The following IGBP1 variants were observed in gnomAD, a reference collection of about 807,000 sequenced individuals.
IGBP1 encodes the protein immunoglobulin-binding protein 1.
Under a neutral mutation model 25.9 loss-of-function variants are expected in IGBP1, and 2 were observed. That is an observed-to-expected ratio of 0.08 (90% CI 0.03 to 0.24). The LOEUF (loss-of-function observed/expected upper bound fraction) is 0.24. Ranked by LOEUF, IGBP1 falls within the 10% of genes least tolerant of loss-of-function variation. IGBP1 has a pLI of 1.00. For synonymous variants in IGBP1, 96 were observed against 93.4 expected (o/e 1.03, Z -0.16); for missense variants, 187 against 260.4 (o/e 0.72, Z 1.94).
intron 6 of IGBP1, among the ~76,000 whole-genome samples, chrX:70,165,529 G>T (rs187271238): frequency 1.8e-5 from 2 of 110,364 alleles, no homozygotes; most frequent in Non-Finnish European, 3.8e-5. Context: ...GCTTGGGGGG[G>T]GTGGGTGTTG....
intron 3 of IGBP1, 145 bp from the exon 4 acceptor site, chrX:70,146,488 G>A: frequency 3.9e-6 from 2 of 506,798 alleles, no homozygotes; most frequent in Non-Finnish European, 3.5e-6. Context: ...CTAATTCTGG[G>A]GTATAGAATC....
At chrX:70,155,248 A>G (rs1420144506) in intron 6 of IGBP1, among the ~76,000 whole-genome samples, 3 of 112,150 alleles carry the variant, frequency 2.7e-5, no homozygotes, top group Non-Finnish European at 5.6e-5. Context: ...TGTAATCCCA[A>G]CACTTTGGGA....
chrX:70,156,710 C>T (rs760994796), intron 6 of IGBP1, among the ~76,000 whole-genome samples: 1 of 111,817 alleles, frequency 8.9e-6, no homozygotes, highest in African/African-American at 3.2e-5. Flanking sequence ...GAGGCCGAGG[C>T]GGGTGGATCA....
chrX:70,163,260 T>C (rs1435376888), intron 6 of IGBP1, among the ~76,000 whole-genome samples: 1 of 109,987 alleles, frequency 9.1e-6, no homozygotes, highest in East Asian at 2.9e-4. Context: ...GGTCTCGCCA[T>C]CTTGCCCAGG....
chrX:70,154,120 C>A (rs908280197), intron 6 of IGBP1, among the ~76,000 whole-genome samples: 1 of 100,676 alleles, frequency 9.9e-6, no homozygotes, highest in Non-Finnish European at 2.0e-5. Context: ...GGCAGTGGCG[C>A]GATCTCGGCT....
rs2085078922 is a variant in IGBP1, at chrX:70,133,974, G to T, written c.27G>T (p.Leu9=). The T allele has an allele frequency of 6.6e-6, 8 of 1,210,093 alleles. No individual in the cohort carries two copies. The highest frequency in any genetic ancestry group is 8.9e-6 in the Non-Finnish European group (8 of 895,050). MAAEDELQ[L]PRLPELFETG... Reference sequence around the variant, plus strand: ...TGGCTGCTGAGGACGAGTTACAGCTGCCGCGGCTCCCCGAGCTGTTCGAAA... The same window carrying T: ...TGGCTGCTGAGGACGAGTTACAGCTTCCGCGGCTCCCCGAGCTGTTCGAAA... The change falls in exon 2 of 7, where the codon CTG becomes CTT. Residue 9 remains leucine (L), a synonymous_variant. Coordinates refer to ENST00000356413, the MANE Select transcript of IGBP1 (RefSeq NM_001551.3).
intron 6 of IGBP1, among the ~76,000 whole-genome samples, chrX:70,160,948 A>G (rs898917791): frequency 8.9e-6 from 1 of 111,956 alleles, no homozygotes; most frequent in African/African-American, 3.2e-5. Context: ...ATGTGAAAGA[A>G]TACAGATGTA....
chrX:70,136,168 C>T (rs2085093540), intron 3 of IGBP1, among the ~76,000 whole-genome samples: 1 of 111,449 alleles, frequency 9.0e-6, no homozygotes, highest in African/African-American at 3.3e-5. Flanking sequence ...AGTTATTTAA[C>T]CTAACTGAGC....
chrX:70,154,714 CAAAAAAAAAAAAAAAAAAAA>C (rs762954223), intron 6 of IGBP1, among the ~76,000 whole-genome samples: 4 of 27,106 alleles, frequency 1.5e-4, no homozygotes. Context: ...CCCCTCTCCA[CAAAAAAAAAAAAAAAAAAAA>C]AAGTTTTAAA....
chrX:70,163,133 G>A lies in IGBP1; in HGVS notation c.872-2700G>A, dbSNP rs762057318. ...AGCAATCCTCCTGCCTCAGCCTCTC[G>A]AGTGAGTAGGACTACAGCCATGCAC... On this transcript the variant is annotated intron_variant, in intron 6 of 6. Transcript: ENST00000356413. 7.3e-3 allele frequency among the ~76,000 whole-genome samples: 810 copies of A among 110,811 alleles called. 8 individuals carry two copies. Among genetic ancestry groups the A allele is most frequent in the Non-Finnish European group, 0.011 (561 of 52,935 alleles).
chrX:70,140,107 C>T (rs1053749942), intron 3 of IGBP1, among the ~76,000 whole-genome samples: 7 of 112,530 alleles, frequency 6.2e-5, no homozygotes, highest in African/African-American at 2.3e-4. Flanking sequence ...TCTCTCTTTG[C>T]TTCATGTTTG....
At chrX:70,143,714 C>T (rs1167011247) in intron 3 of IGBP1, among the ~76,000 whole-genome samples, 1 of 85,654 alleles carries the variant, frequency 1.2e-5, no homozygotes, top group Non-Finnish European at 2.2e-5. Flanking sequence ...TAAAATTTCA[C>T]TGCAATGCCT....
chrX:70,150,350 G>T (rs764153964), intron 6 of IGBP1, 28 bp downstream of exon 6: 2 of 922,567 alleles, frequency 2.2e-6, no homozygotes, highest in African/African-American at 3.8e-5. Flanking sequence ...GGAAATAGTT[G>T]TACCACTGGT....
In IGBP1 at chrX:70,145,437, C is replaced by T. The variant is rs56834962; in HGVS notation, c.483-1196C>T. Among the ~76,000 whole-genome samples, 357 of 111,318 alleles carry T rather than the reference C, an allele frequency of 3.2e-3. 2 individuals carry two copies. Among genetic ancestry groups the T allele is most frequent in the African/African-American group, 0.011 (339 of 30,633 alleles). ...TCTTAGTTGCTTTCCCTGCTTATAT[C>T]CTTGCCTCATAGCCCCCACAGCCCA... On this transcript the variant is annotated intron_variant, in intron 3 of 6. Transcript: ENST00000356413.
intron 6 of IGBP1, among the ~76,000 whole-genome samples, chrX:70,152,973 C>T (rs2085212825): frequency 9.0e-6 from 1 of 111,663 alleles, no homozygotes; most frequent in Admixed American, 9.5e-5. Context: ...TCAGCAAACC[C>T]CAACAGTTTA....
intron 3 of IGBP1, among the ~76,000 whole-genome samples, chrX:70,141,531 G>A (rs962599001): frequency 9.0e-6 from 1 of 111,382 alleles, no homozygotes; most frequent in South Asian, 3.8e-4. Flanking sequence ...AACTCCTCAA[G>A]GTCAGAGACC....
intron 6 of IGBP1, among the ~76,000 whole-genome samples, chrX:70,160,904 TATC>T (rs2085267472): frequency 8.9e-6 from 1 of 112,401 alleles, no homozygotes; most frequent in Admixed American, 9.5e-5. Context: ...AATCTAATTC[TATC>T]ATCCTCTGTC....
rs185902861 is a variant in IGBP1 at position 70,162,089 on chromosome X, G to A, written c.872-3744G>A. 2.3e-3 allele frequency among the ~76,000 whole-genome samples: 255 copies of A among 112,034 alleles called. 2 individuals carry two copies. The highest frequency in any genetic ancestry group is 7.7e-3 in the African/African-American group (239 of 30,857). ...TGTAGCATGACTGTGTACCCCGAAA[G>A]TGTGGGCTGTGCTTAGTGACTTGCT... On this transcript the variant is annotated intron_variant, in intron 6 of 6. Transcript: ENST00000356413.
At chrX:70,156,287 TAAAAAAA>T (rs202174045) in intron 6 of IGBP1, among the ~76,000 whole-genome samples, 73 of 74,280 alleles carry the variant, frequency 9.8e-4, no homozygotes, top group African/African-American at 3.2e-3. Flanking sequence ...TTCAATTTGT[TAAAAAAA>T]AAAAAAAAAA....
Sources: allele counts gnomAD v4.1 joint callset (sites outside exome capture counted in the v4.1 genomes callset), GRCh38; gene constraint gnomAD v4.1.1; transcripts MANE v1.5; gene names NCBI Gene and HGNC (gene_info 2026-07-23, HGNC 2026-07-21).